ANKFN1: variants seen among roughly 807,000 people sequenced by gnomAD.
ANKFN1 encodes ankyrin repeat and fibronectin type III domain containing 1.
A neutral mutation model predicts 108.7 loss-of-function variants in ANKFN1; 74 were observed. That is an observed-to-expected ratio of 0.68 (90% CI 0.56 to 0.83). The LOEUF (loss-of-function observed/expected upper bound fraction) is 0.83. Ranked by LOEUF, ANKFN1 falls within the 40% of genes least tolerant of loss-of-function variation. The pLI is 0.00. For missense variants in ANKFN1, 1,505 were observed against 1,382.3 expected, an observed-to-expected ratio of 1.09 and a Z score of -1.41; for synonymous variants, 547 against 516.2, an observed-to-expected ratio of 1.06 and a Z score of -0.81.
At chr17:56,093,614 G>A (rs959780134) in intron 4 of ANKFN1, among the ~76,000 whole-genome samples, 7 of 151,384 alleles carry the variant, frequency 4.6e-5, no homozygotes, top group African/African-American at 1.7e-4. Context: ...CATCCAAGAA[G>A]TGCTACAACT....
At chr17:56,062,559 C>CTT (rs3085080) in intron 4 of ANKFN1, among the ~76,000 whole-genome samples, 70,045 of 134,170 alleles carry the variant, frequency 0.52, 20,307 homozygotes, top group Non-Finnish European at 0.66. Flanking sequence ...GTAATCTCTG[C>CTT]TTTTTTTTTT....
At chr17:56,126,873 G>T (rs1477376896) in intron 4 of ANKFN1, among the ~76,000 whole-genome samples, 2 of 152,066 alleles carry the variant, frequency 1.3e-5, no homozygotes, top group African/African-American at 4.8e-5. Flanking sequence ...TTTTTTTTCT[G>T]ACTTTTCATC....
At chr17:56,192,001 C>T (rs1426333219) in intron 1 of ANKFN1, among the ~76,000 whole-genome samples, 7 of 151,974 alleles carry the variant, frequency 4.6e-5, no homozygotes, top group South Asian at 4.2e-4. Context: ...TCCAGTTGAT[C>T]GCATCGGCTC....
intron 4 of ANKFN1, among the ~76,000 whole-genome samples, chr17:56,330,572 C>T (rs182037505): frequency 6.8e-4 from 103 of 152,284 alleles, no homozygotes; most frequent in African/African-American, 2.2e-3. Context: ...TCCTTTCTAG[C>T]GTATGAGCTC....
chr17:56,199,434 G>C (rs1236747396), intron 1 of ANKFN1, among the ~76,000 whole-genome samples: 1 of 151,966 alleles, frequency 6.6e-6, no homozygotes, highest in Non-Finnish European at 1.5e-5. Context: ...AATACGCAAA[G>C]GTCATGCTCT....
intron 4 of ANKFN1, among the ~76,000 whole-genome samples, chr17:56,347,806 A>G (rs1157790508): frequency 6.6e-6 from 1 of 152,090 alleles, no homozygotes; most frequent in Non-Finnish European, 1.5e-5. Flanking sequence ...ATGTTGACTG[A>G]AGGGAACAGA....
At position 56,093,855 on chromosome 17, in the gene ANKFN1, C is replaced by T. The variant is rs1905466441; in HGVS notation, c.288+47530C>T. On this transcript the variant is annotated intron_variant, in intron 4 of 12. Transcript: ENST00000635860. ...TACCTGTTATAAGTTGAATTGTGCGCCCCAACCATTAGTATGTTGAAGTCC... is the reference window on the plus strand; with the variant it reads ...TACCTGTTATAAGTTGAATTGTGCGTCCCAACCATTAGTATGTTGAAGTCC... 2.0e-5 allele frequency among the ~76,000 whole-genome samples: 3 copies of T among 151,298 alleles called. 1 individual carries two copies. The highest frequency in any genetic ancestry group is 4.4e-5 in the Non-Finnish European group (3 of 67,752).
chr17:56,218,054 A>C (rs1309361466), intron 2 of ANKFN1, among the ~76,000 whole-genome samples: 8 of 152,100 alleles, frequency 5.3e-5, no homozygotes. Flanking sequence ...AGATTCCAAC[A>C]AAATCTTCTC....
At chr17:56,074,257 G>T (rs957987232) in intron 4 of ANKFN1, among the ~76,000 whole-genome samples, 3 of 152,202 alleles carry the variant, frequency 2.0e-5, no homozygotes, top group Admixed American at 1.3e-4. Flanking sequence ...CTGTAGGCAT[G>T]TCAACTCACC....
At chr17:56,467,779 GAAAGAAAGAAAGAAGAAAGAAAGA>G (rs1568026055) in intron 15 of ANKFN1, among the ~76,000 whole-genome samples, 66 of 17,476 alleles carry the variant, frequency 3.8e-3, no homozygotes, top group South Asian at 0.028. Flanking sequence ...AAGAAAGAAA[GAAAGAAAGAAAGAAGAAAGAAAGA>G]AAGAAAGAAA....
At position 56,344,107 on chromosome 17, in the gene ANKFN1, G is replaced by A. The variant is rs760729597; in HGVS notation, c.189-6659G>A. The stretch of plus-strand genomic sequence containing the variant: ...TTTCTATTGACTGCTTTATTTCCTC[G>A]TATGGGACATAGTTTCTGTTTCTGT... On this transcript the variant is annotated intron_variant, in intron 4 of 20. Coordinates refer to ENST00000682825, the MANE Select transcript of ANKFN1 (RefSeq NM_001370326.1). 7.2e-5 allele frequency among the ~76,000 whole-genome samples: 11 copies of A among 151,796 alleles called. 1 individual carries two copies. The highest frequency in any genetic ancestry group is 4.2e-4 in the South Asian group (2 of 4,816).
intron 1 of ANKFN1, among the ~76,000 whole-genome samples, chr17:56,187,602 C>T (rs8068705): frequency 0.74 from 111,578 of 151,630 alleles, 42,042 homozygotes; most frequent in East Asian, 0.94. Flanking sequence ...ACCCAAATGA[C>T]TATAAATCAT....
intron 4 of ANKFN1, among the ~76,000 whole-genome samples, chr17:56,047,789 C>A (rs796978245): frequency 3.5e-4 from 53 of 152,276 alleles, no homozygotes; most frequent in African/African-American, 1.2e-3. Flanking sequence ...GGGGTCAGCA[C>A]CATATCTGGA....
rs186710889 is a variant in ANKFN1 at position 56,228,161 on chromosome 17, T to C, written c.53+204T>C. 4,471 of 504,132 alleles carry C rather than the reference T, an allele frequency of 8.9e-3. 58 individuals are homozygous for C. Among genetic ancestry groups the C allele is most frequent in the Middle Eastern group, 0.024 (85 of 3,570 alleles). The allele number at this position is 504,132 out of a possible 1,614,324, so 31.2% of individuals were successfully genotyped here. On this transcript the variant is annotated intron_variant, in intron 3 of 20. Transcript: ENST00000682825. ...AATTTGGAAGCAGATTGAACTTAAT[T>C]GTGGTTGTGACAATATTACGTCTAA...
intron 4 of ANKFN1, among the ~76,000 whole-genome samples, chr17:56,091,978 T>C (rs1905428891): frequency 6.6e-6 from 1 of 151,400 alleles, no homozygotes; most frequent in Admixed American, 6.6e-5. Context: ...CAAACTTAAT[T>C]GGATGGCATT....
chr17:56,086,080 T>A (rs1905310204), intron 4 of ANKFN1, among the ~76,000 whole-genome samples: 1 of 150,932 alleles, frequency 6.6e-6, no homozygotes, highest in Admixed American at 6.6e-5. Flanking sequence ...ATAAATAAAA[T>A]ATAGAATTTA....
intron 4 of ANKFN1, among the ~76,000 whole-genome samples, chr17:56,067,364 T>C (rs1905072988): frequency 6.6e-6 from 1 of 152,186 alleles, no homozygotes; most frequent in Non-Finnish European, 1.5e-5. Flanking sequence ...ATATTTGTGG[T>C]TTACATTTTA....
chr17:56,107,735 C>T (rs975342800), intron 4 of ANKFN1, among the ~76,000 whole-genome samples: 1 of 152,192 alleles, frequency 6.6e-6, no homozygotes, highest in African/African-American at 2.4e-5. Context: ...CTGTGTTCAC[C>T]TGGTAACTCC....
chr17:56,085,099 A>G (rs980537005), intron 4 of ANKFN1, among the ~76,000 whole-genome samples: 5 of 150,112 alleles, frequency 3.3e-5, no homozygotes, highest in Admixed American at 2.0e-4. Context: ...TGAGCTCTTA[A>G]TATGTGCCAG....
Sources: gnomAD v4.1 joint callset for allele counts (sites outside exome capture counted in the v4.1 genomes callset) on GRCh38, gnomAD v4.1.1 for gene constraint, MANE v1.5 for transcripts, NCBI Gene and HGNC (gene_info 2026-07-23, HGNC 2026-07-21) for gene names.